Variants in ST7 observed in about 807,000 individuals in gnomAD.
ST7 encodes suppression of tumorigenicity 7.
ST7 carries 28 observed loss-of-function variants against 78.7 expected under a neutral mutation model. The observed-to-expected ratio is 0.36, with a 90% CI of 0.26 to 0.49. The LOEUF (loss-of-function observed/expected upper bound fraction) is 0.49, where lower values mean the gene tolerates loss of function less well. Among genes scored for constraint, ST7 ranks in the 20% least tolerant of loss-of-function variants. The probability of loss-of-function intolerance (pLI) is 0.99; values close to 1 mark genes in which losing one functional copy is unlikely to be tolerated. For missense variants in ST7, 418 were observed against 696.0 expected (o/e 0.60, Z 4.49); for synonymous variants, 247 against 249.6 (o/e 0.99, Z 0.10).
intron 13 of ST7, among the ~76,000 whole-genome samples, 194 bp downstream of exon 13, chr7:117,210,131 T>C (rs1467903996): frequency 1.3e-5 from 2 of 152,218 alleles, no homozygotes; most frequent in Non-Finnish European, 2.9e-5. Flanking sequence ...GGTGAGGCTG[T>C]TTCCACAGCT....
At chr7:117,186,886 C>G (rs1563151420) in intron 10 of ST7, among the ~76,000 whole-genome samples, 2 of 152,172 alleles carry the variant, frequency 1.3e-5, no homozygotes, top group African/African-American at 4.8e-5. Context: ...GATGAACAAT[C>G]TTTGTGCACA....
At chr7:117,114,776 T>C (rs1802724985) in intron 2 of ST7, among the ~76,000 whole-genome samples, 1 of 152,212 alleles carries the variant, frequency 6.6e-6, no homozygotes, top group Admixed American at 6.5e-5. Flanking sequence ...GGAGGACTTA[T>C]TGGATAGGAA....
chr7:117,015,505 C>G (rs1183608432), intron 1 of ST7, among the ~76,000 whole-genome samples: 1 of 152,084 alleles, frequency 6.6e-6, no homozygotes, highest in Non-Finnish European at 1.5e-5. Flanking sequence ...ATAAATGTGC[C>G]CAGATTTTTC....
chr7:117,187,499 A>G (rs944252087), intron 10 of ST7: 1 of 152,160 alleles, frequency 6.6e-6, no homozygotes, highest in Non-Finnish European at 1.5e-5. Context: ...TGTCCTGTCT[A>G]TGCTAGTGGG....
Position 117,096,400 on chromosome 7 carries a change from G to A in ST7, c.152-3362G>A, listed in dbSNP as rs548937336. 3.9e-5 allele frequency among the ~76,000 whole-genome samples: 6 copies of A among 152,132 alleles called. No homozygotes were observed. In the East Asian group the frequency reaches 5.8e-4, roughly 15 times the overall value. ...ACAGGGGACTTATCTAGAAAAGGCCGAGATAAAAATAAGTACAATGTTAAA... is the reference window on the plus strand; with the variant it reads ...ACAGGGGACTTATCTAGAAAAGGCCAAGATAAAAATAAGTACAATGTTAAA... On this transcript the variant is annotated intron_variant, in intron 1 of 15. Coordinates refer to ENST00000323984, the MANE Select transcript of ST7 (RefSeq NM_001369598.1).
At chr7:116,959,436 A>C (rs766895424) in intron 1 of ST7, 5 of 332,982 alleles carry the variant, frequency 1.5e-5, no homozygotes, top group Non-Finnish European at 2.3e-5. Context: ...CTTCTTCTAG[A>C]TTCTAGTTCT....
At chr7:117,081,891 T>C (rs980458298) in intron 1 of ST7, among the ~76,000 whole-genome samples, 1 of 142,038 alleles carries the variant, frequency 7.0e-6, no homozygotes, top group African/African-American at 2.7e-5. Context: ...GAAATAGAGA[T>C]TGAGAGAGAG....
At chr7:117,221,426 A>T (rs1177150914) in intron 14 of ST7, among the ~76,000 whole-genome samples, 1 of 152,206 alleles carries the variant, frequency 6.6e-6, no homozygotes, top group Non-Finnish European at 1.5e-5. Context: ...AGAGGGTGCC[A>T]GGAAAAAATA....
At chr7:116,998,040 G>A (rs1182943557) in intron 1 of ST7, among the ~76,000 whole-genome samples, 1 of 152,240 alleles carries the variant, frequency 6.6e-6, no homozygotes, top group African/African-American at 2.4e-5. Context: ...GTGCCGTGGA[G>A]CGGGGCGCGG....
At chr7:117,053,938 A>G (rs529063237) in intron 1 of ST7, among the ~76,000 whole-genome samples, 6 of 152,024 alleles carry the variant, frequency 3.9e-5, no homozygotes, top group African/African-American at 1.2e-4. Context: ...CATGGGTTCA[A>G]GTGATTCTCC....
At chr7:117,119,795 A>G in intron 3 of ST7, 75 bp downstream of exon 3, 1 of 1,505,690 alleles carries the variant, frequency 6.6e-7, no homozygotes, top group South Asian at 1.2e-5. Flanking sequence ...ATACTAAGAG[A>G]TTAAGAATGT....
chr7:117,149,948 G>A (rs951984756), intron 9 of ST7, among the ~76,000 whole-genome samples: 1 of 151,982 alleles, frequency 6.6e-6, no homozygotes, highest in South Asian at 2.1e-4. Context: ...TTTTTCTGTG[G>A]TGGTTCATTT....
At chr7:117,212,181 G>GTTTAACTAGGTAA (rs1387340607) in intron 13 of ST7, among the ~76,000 whole-genome samples, 22 of 152,200 alleles carry the variant, frequency 1.4e-4, no homozygotes, top group Non-Finnish European at 2.6e-4. Context: ...AAGAGTGTTT[G>GTTTAACTAGGTAA]TTTAACTAGG....
At chr7:116,967,202 C>T (rs888517499) in intron 1 of ST7, 14 of 396,658 alleles carry the variant, frequency 3.5e-5, no homozygotes, top group Admixed American at 2.2e-4. Context: ...ATGTGTAGGA[C>T]GAAGGCTATA....
chr7:117,078,704 G>C (rs1261416606), intron 1 of ST7, among the ~76,000 whole-genome samples: 1 of 152,206 alleles, frequency 6.6e-6, no homozygotes. Context: ...AGTCATGGTT[G>C]TATGGATGTT....
intron 1 of ST7, among the ~76,000 whole-genome samples, chr7:116,994,983 C>T (rs1234281946): frequency 6.6e-6 from 1 of 152,010 alleles, no homozygotes; most frequent in African/African-American, 2.4e-5. Flanking sequence ...TTGCATGCCT[C>T]TGTATTCTGG....
intron 1 of ST7, among the ~76,000 whole-genome samples, chr7:117,014,124 G>T (rs1253094419): frequency 6.6e-6 from 1 of 152,284 alleles, no homozygotes; most frequent in African/African-American, 2.4e-5. Context: ...TAGTGGTGGA[G>T]GGTGGGGGTT....
chr7:117,165,339 T>C (rs1807463741), intron 9 of ST7, among the ~76,000 whole-genome samples: 2 of 152,166 alleles, frequency 1.3e-5, no homozygotes. Context: ...AGACCATCTA[T>C]TCCATTTTCA....
intron 1 of ST7, among the ~76,000 whole-genome samples, chr7:117,026,665 G>A (rs536996626): frequency 6.6e-6 from 1 of 152,264 alleles, no homozygotes; most frequent in East Asian, 1.9e-4. Flanking sequence ...TGGCTCTACC[G>A]TGTACTACCA....
Sources: allele counts gnomAD v4.1 joint callset (sites outside exome capture counted in the v4.1 genomes callset), GRCh38; gene constraint gnomAD v4.1.1; transcripts MANE v1.5; gene names NCBI Gene and HGNC (gene_info 2026-07-23, HGNC 2026-07-21).